Variants in CHODL observed in about 807,000 individuals in gnomAD.
CHODL encodes the protein chondrolectin.
A neutral mutation model predicts 34.5 loss-of-function variants in CHODL; 29 were observed. The observed-to-expected ratio is 0.84, with a 90% CI of 0.63 to 1.15. The LOEUF is 1.15. Ranked by LOEUF, CHODL falls within the 50% of genes most tolerant of loss-of-function variation. The pLI is 0.00. For missense variants in CHODL, 332 were observed against 332.5 expected (o/e 1.00, Z 0.01); for synonymous variants, 125 against 116.1 (o/e 1.08, Z -0.49).
At chr21:18,188,490 T>A (rs1055622718) in intron 2 of CHODL, among the ~76,000 whole-genome samples, 2 of 152,214 alleles carry the variant, frequency 1.3e-5, no homozygotes, top group African/African-American at 4.8e-5. Flanking sequence ...TTATAATCTA[T>A]ATGATTCAAA....
At chr21:18,225,008 A>G (rs2073918249) in intron 2 of CHODL, among the ~76,000 whole-genome samples, 1 of 152,092 alleles carries the variant, frequency 6.6e-6, no homozygotes, top group Non-Finnish European at 1.5e-5. Context: ...ACATTTATAG[A>G]GAAGGTGATT....
chr21:18,245,449 T>C, intron 1 of CHODL, 147 bp downstream of exon 1: 1 of 631,320 alleles, frequency 1.6e-6, no homozygotes, highest in Middle Eastern at 2.6e-4. Flanking sequence ...AGAAATTGAT[T>C]GTGCTGTTCT....
chr21:18,028,208 TCCTC>T (rs2064197765), intron 2 of CHODL, among the ~76,000 whole-genome samples: 1 of 75,304 alleles, frequency 1.3e-5, no homozygotes, highest in Non-Finnish European at 2.8e-5. Context: ...CTTTAGCTCT[TCCTC>T]CCCTCCCCTC....
intron 2 of CHODL, among the ~76,000 whole-genome samples, chr21:18,232,920 T>C (rs1297489307): frequency 1.4e-5 from 2 of 141,356 alleles, no homozygotes; most frequent in Non-Finnish European, 3.0e-5. Flanking sequence ...TCCATATAAT[T>C]ATGGGGTCCA....
chr21:17,997,351 G>T (rs1309883493), intron 1 of CHODL, among the ~76,000 whole-genome samples: 1 of 152,204 alleles, frequency 6.6e-6, no homozygotes. Flanking sequence ...TCTTCTTGCT[G>T]TGTGTGTTTC....
intron 2 of CHODL, among the ~76,000 whole-genome samples, chr21:18,182,332 C>A (rs1474438975): frequency 6.6e-6 from 1 of 152,150 alleles, no homozygotes; most frequent in Non-Finnish European, 1.5e-5. Context: ...AGGGTTTGAG[C>A]CTGGCTCTAG....
intron 3 of CHODL, among the ~76,000 whole-genome samples, chr21:18,259,671 CA>C (rs1400679270): frequency 2.0e-5 from 3 of 152,158 alleles, no homozygotes; most frequent in African/African-American, 7.2e-5. Flanking sequence ...CTAAGGATGG[CA>C]TTGTATATGC....
intron 2 of CHODL, among the ~76,000 whole-genome samples, chr21:18,226,936 G>A (rs2073936484): frequency 6.6e-6 from 1 of 152,100 alleles, no homozygotes; most frequent in Admixed American, 6.6e-5. Flanking sequence ...TGAAATAGCT[G>A]TCTTAGTCCA....
intron 2 of CHODL, among the ~76,000 whole-genome samples, chr21:18,145,350 T>C (rs1229410919): frequency 7.6e-6 from 1 of 131,890 alleles, no homozygotes; most frequent in Admixed American, 9.1e-5. Context: ...GGCAGGAGAA[T>C]GGCGTGAACC....
At chr21:18,073,867 G>C (rs1390878699) in intron 2 of CHODL, among the ~76,000 whole-genome samples, 1 of 151,758 alleles carries the variant, frequency 6.6e-6, no homozygotes, top group African/African-American at 2.4e-5. Context: ...ACTATATGTA[G>C]ATTATATTTA....
At chr21:17,927,000 A>G (rs2063229318) in intron 1 of CHODL, among the ~76,000 whole-genome samples, 1 of 151,272 alleles carries the variant, frequency 6.6e-6, no homozygotes, top group Admixed American at 6.6e-5. Flanking sequence ...ACACGCACAC[A>G]CACACAGACA....
At chr21:18,003,069 A>G (rs939718355) in intron 1 of CHODL, among the ~76,000 whole-genome samples, 47 of 150,502 alleles carry the variant, frequency 3.1e-4, no homozygotes, top group Admixed American at 1.3e-3. Context: ...GTGTGCAGTG[A>G]GCCGAGATCG....
chr21:18,223,454 C>T (rs1481307851), intron 2 of CHODL, among the ~76,000 whole-genome samples: 3 of 152,134 alleles, frequency 2.0e-5, no homozygotes, highest in Non-Finnish European at 4.4e-5. Context: ...TCGAGACTTA[C>T]GATTTACCAA....
chr21:18,108,607 C>A (rs970404080), intron 2 of CHODL, among the ~76,000 whole-genome samples: 2 of 152,164 alleles, frequency 1.3e-5, no homozygotes, highest in African/African-American at 4.8e-5. Context: ...ACACCTGATA[C>A]CTTGGCTGCC....
Position 18,223,648 on chromosome 21 carries a change from C to T in CHODL, c.-44-32861C>T, listed in dbSNP as rs769073087. On this transcript the variant is annotated intron_variant, in intron 2 of 6. Transcript: ENST00000400127. ...TGATTTGCAGTAGGTGTGTTTCTCC[C>T]GTCGTTCTCTCATTCTTTCATGGTG... 3.5e-4 allele frequency among the ~76,000 whole-genome samples: 53 copies of T among 152,008 alleles called. 1 individual carries two copies. Among genetic ancestry groups the T allele is most frequent in the Admixed American group, 3.0e-3 (46 of 15,250 alleles).
chr21:18,065,092 T>C (rs996462203), intron 2 of CHODL, among the ~76,000 whole-genome samples: 1 of 152,208 alleles, frequency 6.6e-6, no homozygotes, highest in African/African-American at 2.4e-5. Flanking sequence ...TGGAAAGGAC[T>C]GGTGCTTGTA....
At chr21:18,060,709 C>CAAAAAAAAAAAAAA (rs71318121) in intron 2 of CHODL, among the ~76,000 whole-genome samples, 30 of 121,306 alleles carry the variant, frequency 2.5e-4, no homozygotes, top group African/African-American at 8.8e-4. Context: ...CTCCTCGGAC[C>CAAAAAAAAAAAAAA]AAAAAAAAAA....
chr21:18,174,161 A>ATATGTAT (rs2073276201), intron 2 of CHODL, among the ~76,000 whole-genome samples: 4 of 85,668 alleles, frequency 4.7e-5, no homozygotes, highest in East Asian at 2.4e-4. Context: ...ATATATATAT[A>ATATGTAT]AAATCAAGTC....
intron 2 of CHODL, among the ~76,000 whole-genome samples, chr21:18,146,318 G>A (rs895935682): frequency 3.3e-5 from 5 of 152,044 alleles, no homozygotes; most frequent in Non-Finnish European, 5.9e-5. Context: ...TTACTGCACC[G>A]TACCTGATAT....
Sources: allele counts gnomAD v4.1 joint callset (sites outside exome capture counted in the v4.1 genomes callset), GRCh38; gene constraint gnomAD v4.1.1; transcripts MANE v1.5; gene names NCBI Gene and HGNC (gene_info 2026-07-23, HGNC 2026-07-21).